The following TBCEL variants were observed in gnomAD, a reference collection of about 807,000 sequenced individuals.
TBCEL encodes tubulin folding cofactor E like.
In TBCEL, 15 loss-of-function variants were observed where a neutral mutation model predicts 44.2. That is an observed-to-expected ratio of 0.34 (90% confidence interval 0.23 to 0.52). The LOEUF is 0.52. TBCEL is among the 20% of genes least tolerant of loss of function. TBCEL has a pLI of 0.95. For missense variants in TBCEL, 319 were observed against 506.3 expected, an observed-to-expected ratio of 0.63 and a Z score of 3.55; for synonymous variants, 171 against 185.4, an observed-to-expected ratio of 0.92 and a Z score of 0.63.
At chr11:121,031,581 A>G (rs777412034) in intron 1 of TBCEL, among the ~76,000 whole-genome samples, 11 of 151,470 alleles carry the variant, frequency 7.3e-5, no homozygotes, top group Non-Finnish European at 1.5e-4. Flanking sequence ...CACGTGTTGC[A>G]AGTATCTTTT....
chr11:121,053,881 G>A, intron 5 of TBCEL, 149 bp downstream of exon 5: 1 of 825,888 alleles, frequency 1.2e-6, no homozygotes. Context: ...GAATGAGAAT[G>A]TGAGGGTAAT....
intron 1 of TBCEL, among the ~76,000 whole-genome samples, chr11:121,026,278 T>TC (rs1164728909): frequency 6.6e-6 from 1 of 152,166 alleles, no homozygotes; most frequent in Non-Finnish European, 1.5e-5. Flanking sequence ...TTAGGTGGGG[T>TC]CCTTAGAAAA....
chr11:121,083,934 G>C (rs1353711943), intron 8 of TBCEL, among the ~76,000 whole-genome samples: 1 of 152,160 alleles, frequency 6.6e-6, no homozygotes, highest in Non-Finnish European at 1.5e-5. Flanking sequence ...CAGTTCTGCA[G>C]GCTAGAAAGT....
In TBCEL at chr11:121,073,780, G is replaced by A. The variant is rs542763140; in HGVS notation, c.957-12998G>A. 4.6e-5 allele frequency among the ~76,000 whole-genome samples: 7 copies of A among 151,744 alleles called. No individual in the cohort carries two copies. In the South Asian group the frequency reaches 1.4e-3, roughly 31 times the overall value. On this transcript the variant is annotated intron_variant, in intron 8 of 8. Transcript: ENST00000683345. The stretch of plus-strand genomic sequence containing the variant: ...TTTTTCTAAGAGTTTCTTTTATTAC[G>A]AGTAGACATTGAATTTTGTAGAATG...
At chr11:121,057,738 G>C in intron 6 of TBCEL, 1 of 385,434 alleles carries the variant, frequency 2.6e-6, no homozygotes. Context: ...AAGTATGCAG[G>C]AGGGTTTGTG....
In TBCEL at chr11:121,055,108, T is replaced by C. The variant is rs967241672; in HGVS notation, c.512T>C (p.Ile171Thr). ...NDYETVSCPS[I>T]CCHSLKLLHI... ...TATGAAACAGTGTCTTGTCCTTCTA[T>C]TTGCTGTCATTCTCTTAAGCTACTA... The change falls in exon 6 of 9, where the codon ATT becomes ACT. Residue 171 changes from isoleucine to threonine, a missense_variant. Ile to Thr is a moderately conservative substitution (Grantham distance 89). Coordinates refer to ENST00000683345, the MANE Select transcript of TBCEL (RefSeq NM_001363644.2). The C allele has an allele frequency of 6.2e-6, 10 of 1,604,040 alleles. No homozygotes were observed. The African/African-American group carries it at 1.3e-4, about 22-fold the overall frequency.
In TBCEL at chr11:121,086,950, C is replaced by T; in HGVS notation, c.1129C>T (p.Gln377Ter). The T allele has an allele frequency of 6.2e-7, 1 of 1,614,072 alleles. No individual in the cohort carries two copies. The highest frequency in any genetic ancestry group is 8.5e-7 in the Non-Finnish European group (1 of 1,179,998). ...AAAGAAACAGTTAAAAACTCTAGTA[C>T]AATTACCCACAAGCAACATGCTTCT... ...ELKKQLKTLVQLPTSNMLLYY... is the reference protein window; with the variant it reads ...ELKKQLKTLV Residue 377 changes from glutamine to a stop codon, truncating the protein, a stop_gained, in exon 9 of 9, where the codon CAA (glutamine) becomes TAA (stop). Transcript: ENST00000683345. LOFTEE classifies it high-confidence loss of function.
chr11:121,047,769 G>A, intron 4 of TBCEL, 102 bp downstream of exon 4: 2 of 1,407,518 alleles, frequency 1.4e-6, no homozygotes, highest in Non-Finnish European at 1.9e-6. Context: ...CTCACTTGAT[G>A]TCTGTATGAC....
chr11:121,024,774 A>T (rs1160051679), intron 1 of TBCEL, among the ~76,000 whole-genome samples: 1 of 152,188 alleles, frequency 6.6e-6, no homozygotes, highest in Non-Finnish European at 1.5e-5. Context: ...TGCTGGGGGA[A>T]GGACGGGCAT....
chr11:121,041,626 AC>A (rs914998967), intron 2 of TBCEL, among the ~76,000 whole-genome samples: 2 of 150,850 alleles, frequency 1.3e-5, no homozygotes, highest in Non-Finnish European at 3.0e-5. Flanking sequence ...TTACCCTCCC[AC>A]CCCCCAAAAA....
chr11:121,066,273 C>T (rs1430075530), intron 8 of TBCEL, among the ~76,000 whole-genome samples: 1 of 152,196 alleles, frequency 6.6e-6, no homozygotes, highest in Non-Finnish European at 1.5e-5. Flanking sequence ...TGTGAATAAT[C>T]TCTGTTAGAC....
intron 6 of TBCEL, among the ~76,000 whole-genome samples, chr11:121,056,180 A>G (rs1945617568): frequency 6.6e-6 from 1 of 151,746 alleles, no homozygotes. Flanking sequence ...TCTTTTTACT[A>G]TCTGCATAGT....
At chr11:121,055,729 A>T (rs749908333) in intron 6 of TBCEL, among the ~76,000 whole-genome samples, 1 of 151,836 alleles carries the variant, frequency 6.6e-6, no homozygotes, top group Non-Finnish European at 1.5e-5. Context: ...GTTTATTGCC[A>T]TTTGATCCTG....
chr11:121,078,045 A>G (rs1946062586), intron 8 of TBCEL, among the ~76,000 whole-genome samples: 1 of 152,034 alleles, frequency 6.6e-6, no homozygotes, highest in African/African-American at 2.4e-5. Flanking sequence ...CTGGTTTAGA[A>G]TATGGTCTTT....
At chr11:121,026,898 A>G (rs995422611) in intron 1 of TBCEL, among the ~76,000 whole-genome samples, 1 of 152,092 alleles carries the variant, frequency 6.6e-6, no homozygotes, top group Admixed American at 6.5e-5. Context: ...ACCCTGAGTG[A>G]TTGTGTGTGC....
At chr11:121,025,003 A>G (rs1423612869) in intron 1 of TBCEL, among the ~76,000 whole-genome samples, 1 of 152,202 alleles carries the variant, frequency 6.6e-6, no homozygotes, top group South Asian at 2.1e-4. Flanking sequence ...GTCCGCTAGT[A>G]GGAAGACATT....
intron 8 of TBCEL, among the ~76,000 whole-genome samples, chr11:121,073,773 T>C (rs2134997663): frequency 6.6e-6 from 1 of 152,080 alleles, no homozygotes; most frequent in South Asian, 2.1e-4. Context: ...AGAGTTTCTT[T>C]TATTACGAGT....
chr11:121,032,667 G>C (rs947041336), intron 1 of TBCEL, among the ~76,000 whole-genome samples: 2 of 151,882 alleles, frequency 1.3e-5, no homozygotes, highest in African/African-American at 4.8e-5. Flanking sequence ...ACTACCCTTG[G>C]GGACCACTTA....
At chr11:121,056,143 AC>A (rs111708273) in intron 6 of TBCEL, among the ~76,000 whole-genome samples, 2 of 151,486 alleles carry the variant, frequency 1.3e-5, no homozygotes, top group African/African-American at 4.8e-5. Context: ...CCACCTATTT[AC>A]CCCCTCCAAT....
Sources: allele counts gnomAD v4.1 joint callset (sites outside exome capture counted in the v4.1 genomes callset), GRCh38; gene constraint gnomAD v4.1.1; transcripts MANE v1.5; gene names NCBI Gene and HGNC (gene_info 2026-07-23, HGNC 2026-07-21).